RPS6KA5: variants seen among roughly 807,000 people sequenced by gnomAD.
RPS6KA5 encodes the protein ribosomal protein S6 kinase alpha-5.
Under a neutral mutation model 85.5 loss-of-function variants are expected in RPS6KA5, and 27 were observed. The ratio of observed to expected loss-of-function variants is 0.32; its 90% CI spans 0.23 to 0.44. The LOEUF (loss-of-function observed/expected upper bound fraction) is 0.44, where lower values mean the gene tolerates loss of function less well. Ranked by LOEUF, RPS6KA5 falls within the 20% of genes least tolerant of loss-of-function variation. RPS6KA5 has a pLI of 1.00. For synonymous variants in RPS6KA5, 334 were observed against 348.2 expected (o/e 0.96, Z 0.46); for missense variants, 811 against 980.9 (o/e 0.83, Z 2.31).
At chr14:90,993,440 A>C (rs902029017) in intron 2 of RPS6KA5, among the ~76,000 whole-genome samples, 8 of 151,630 alleles carry the variant, frequency 5.3e-5, no homozygotes, top group Middle Eastern at 6.4e-3. Context: ...ACTCCGTCTC[A>C]AAAAAAACAA....
At chr14:90,932,115 A>T (rs1448360168) in intron 5 of RPS6KA5, among the ~76,000 whole-genome samples, 1 of 152,052 alleles carries the variant, frequency 6.6e-6, no homozygotes, top group Non-Finnish European at 1.5e-5. Flanking sequence ...CAATCATTCA[A>T]TCATTCATTC....
intron 2 of RPS6KA5, among the ~76,000 whole-genome samples, chr14:90,991,696 C>A (rs1226534520): frequency 2.3e-5 from 2 of 87,950 alleles, no homozygotes; most frequent in Admixed American, 1.5e-4. Context: ...AGTGAGACTC[C>A]ATCTCAAAAA....
chr14:91,000,968 C>T, intron 2 of RPS6KA5, 120 bp downstream of exon 2: 1 of 583,754 alleles, frequency 1.7e-6, no homozygotes. Context: ...TTTGACAGTT[C>T]TCCTAATGGA....
intron 3 of RPS6KA5, 71 bp downstream of exon 3, chr14:90,978,235 T>C (rs1373186490): frequency 5.2e-6 from 6 of 1,164,068 alleles, no homozygotes; most frequent in Non-Finnish European, 7.3e-6. Context: ...ATCTTGCCCT[T>C]TAAGTACATT....
In RPS6KA5 at chr14:90,855,766, C is replaced by A. The variant is rs1302367041; in HGVS notation, c.*16308G>T. The A allele has an allele frequency of 6.6e-6, 1 of 152,328 alleles. No individual in the cohort carries two copies. Among genetic ancestry groups the A allele is most frequent in the African/African-American group, 2.4e-5 (1 of 41,418 alleles). 9.4% of individuals were successfully genotyped at this position (152,328 alleles called of 1,614,324 possible). On this transcript the variant is annotated 3_prime_UTR_variant, in exon 17 of 17. Transcript: ENST00000614987. Reference sequence around the variant, plus strand: ...GGGACTACAGTCATCCGCCACCACGCCCGGCTAATTTTTTGTATTTTTAGT... The same window carrying A: ...GGGACTACAGTCATCCGCCACCACGACCGGCTAATTTTTTGTATTTTTAGT...
At chr14:91,055,987 G>T (rs1359591698) in intron 1 of RPS6KA5, among the ~76,000 whole-genome samples, 1 of 152,122 alleles carries the variant, frequency 6.6e-6, no homozygotes, top group Non-Finnish European at 1.5e-5. Context: ...CTGCAGTCCT[G>T]GCCAACACCT....
intron 2 of RPS6KA5, among the ~76,000 whole-genome samples, chr14:90,983,789 C>CTT (rs1307189961): frequency 5.6e-4 from 52 of 93,456 alleles, no homozygotes; most frequent in Admixed American, 7.1e-4. Flanking sequence ...TTCTTTCTTT[C>CTT]TCTCTCTCTC....
intron 5 of RPS6KA5, among the ~76,000 whole-genome samples, chr14:90,930,457 A>G (rs963162212): frequency 3.3e-5 from 5 of 152,190 alleles, no homozygotes; most frequent in Admixed American, 2.6e-4. Context: ...TACATGGGAA[A>G]AGCTTCATGA....
In RPS6KA5 at chr14:90,983,773, C is replaced by CTT. The variant is rs1367988652; in HGVS notation, c.176-5251_176-5250dup. Among the ~76,000 whole-genome samples, 3 of 141,930 alleles carry CTT rather than the reference C, an allele frequency of 2.1e-5. No homozygotes were observed. The Admixed American group carries it at 2.3e-4, about 11-fold the overall frequency. 93.1% of individuals were successfully genotyped at this position (141,930 alleles called of 152,430 possible). A position where few individuals can be genotyped will look rare whatever the true frequency, so the allele number is the denominator to read the frequency against. On this transcript the variant is annotated intron_variant, in intron 2 of 16. Coordinates refer to ENST00000614987, the MANE Select transcript of RPS6KA5 (RefSeq NM_004755.4). ...GTTCTAAACACACTTTCTTTCTTTC[C>CTT]TTTCTTTCTTTCTTTCTCTCTCTCT...
Position 90,855,013 on chromosome 14 carries a change from T to G in RPS6KA5, c.*17061A>C, listed in dbSNP as rs1054420537. 6.6e-6 allele frequency: 1 copy of G among 152,188 alleles called. No homozygotes were observed. The highest frequency in any genetic ancestry group is 2.4e-5 in the African/African-American group (1 of 41,432). 9.4% of individuals were successfully genotyped at this position (152,188 alleles called of 1,614,324 possible). On this transcript the variant is annotated 3_prime_UTR_variant, in exon 17 of 17. Coordinates refer to ENST00000614987, the MANE Select transcript of RPS6KA5 (RefSeq NM_004755.4). ...TTGAAGTTTTAAAAGTCTAATCGATTTTTTTCAATACATTTCATCTCTTTG... is the reference window on the plus strand; with the variant it reads ...TTGAAGTTTTAAAAGTCTAATCGATGTTTTTCAATACATTTCATCTCTTTG...
Position 90,958,010 on chromosome 14 carries a change from C to T in RPS6KA5, c.395-10460G>A, listed in dbSNP as rs546030526. Among the ~76,000 whole-genome samples the T allele has an allele frequency of 3.9e-5, 6 of 152,112 alleles. No individual in the cohort carries two copies. The South Asian group carries it at 1.2e-3, about 32-fold the overall frequency. On this transcript the variant is annotated intron_variant, in intron 3 of 16. Coordinates refer to ENST00000614987, the MANE Select transcript of RPS6KA5 (RefSeq NM_004755.4). ...AATAAAAATAAAAAATAAAAATAGCCAGGCATGTAGTTCCAGTTACTCAGG... is the reference window on the plus strand; with the variant it reads ...AATAAAAATAAAAAATAAAAATAGCTAGGCATGTAGTTCCAGTTACTCAGG...
chr14:90,969,743 A>C (rs2039235557), intron 3 of RPS6KA5, among the ~76,000 whole-genome samples: 1 of 152,174 alleles, frequency 6.6e-6, no homozygotes, highest in Non-Finnish European at 1.5e-5. Flanking sequence ...TTTCTATTTC[A>C]AATTCTCCTA....
chr14:90,858,543 A>C lies in RPS6KA5; in HGVS notation c.*13531T>G, dbSNP rs2032391989. On this transcript the variant is annotated 3_prime_UTR_variant, in exon 17 of 17. Transcript: ENST00000614987. Reference sequence around the variant, plus strand: ...AGAGCTAAACGAAAGTAATAATAAAAGCGAGAGTTCGTGGCAAAGTTATCT... The same window carrying C: ...AGAGCTAAACGAAAGTAATAATAAACGCGAGAGTTCGTGGCAAAGTTATCT... 6.6e-6 allele frequency: 1 copy of C among 152,242 alleles called. No homozygotes were observed. The highest frequency in any genetic ancestry group is 1.5e-5 in the Non-Finnish European group (1 of 68,054). 9.4% of individuals were successfully genotyped at this position (152,242 alleles called of 1,614,324 possible).
intron 4 of RPS6KA5, among the ~76,000 whole-genome samples, chr14:90,946,176 G>T (rs1228457583): frequency 6.6e-6 from 1 of 152,008 alleles, no homozygotes; most frequent in Non-Finnish European, 1.5e-5. Context: ...TCATCTTAAA[G>T]CTTGTTACCA....
At chr14:90,971,792 A>T (rs1011161470) in intron 3 of RPS6KA5, among the ~76,000 whole-genome samples, 7 of 152,208 alleles carry the variant, frequency 4.6e-5, no homozygotes, top group African/African-American at 1.7e-4. Context: ...TAAAAACAGC[A>T]AGAAAAGCTG....
At chr14:90,999,499 A>C (rs2040685891) in intron 2 of RPS6KA5, among the ~76,000 whole-genome samples, 1 of 152,066 alleles carries the variant, frequency 6.6e-6, no homozygotes, top group Admixed American at 6.5e-5. Flanking sequence ...CCTGCTGAGA[A>C]TGGGGAGGAG....
intron 5 of RPS6KA5, among the ~76,000 whole-genome samples, chr14:90,936,565 A>G (rs1344219775): frequency 6.6e-6 from 1 of 152,112 alleles, no homozygotes; most frequent in African/African-American, 2.4e-5. Context: ...AAAAAAAAAT[A>G]CAAAAACAAA....
intron 1 of RPS6KA5, among the ~76,000 whole-genome samples, chr14:91,041,762 A>AATT (rs2042612911): frequency 6.6e-6 from 1 of 152,188 alleles, no homozygotes; most frequent in Admixed American, 6.5e-5. Flanking sequence ...TGTACTTTAA[A>AATT]ACAATGCTGC....
At chr14:90,885,890 G>A (rs6575165) in intron 14 of RPS6KA5, among the ~76,000 whole-genome samples, 30,475 of 151,524 alleles carry the variant, frequency 0.2, 3,333 homozygotes, top group Middle Eastern at 0.31. Flanking sequence ...AAGTACTGGA[G>A]AGGATATTGG....
Sources: allele counts gnomAD v4.1 joint callset (sites outside exome capture counted in the v4.1 genomes callset), GRCh38; gene constraint gnomAD v4.1.1; transcripts MANE v1.5; gene names NCBI Gene and HGNC (gene_info 2026-07-23, HGNC 2026-07-21).